Variants in GPR143 observed in about 807,000 individuals in gnomAD.
GPR143 encodes G-protein coupled receptor 143.
GPR143 carries 8 observed loss-of-function variants against 27.6 expected under a neutral mutation model. The observed-to-expected ratio is 0.29, with a 90% CI of 0.17 to 0.52. GPR143 has a LOEUF of 0.52. GPR143 is among the 20% of genes least tolerant of loss of function. The probability of loss-of-function intolerance (pLI) is 0.96; values close to 1 mark genes in which losing one functional copy is unlikely to be tolerated. For missense variants in GPR143, 303 were observed against 343.1 expected (o/e 0.88, Z 0.92); for synonymous variants, 156 against 153.2 (o/e 1.02, Z -0.13).
At chrX:9,774,895 G>A (rs185513920) in intron 1 of GPR143, among the ~76,000 whole-genome samples, 52 of 110,624 alleles carry the variant, frequency 4.7e-4, no homozygotes, top group Middle Eastern at 4.6e-3. Context: ...ACAAGGTCTC[G>A]CTCTGTTGCC....
chrX:9,742,346 G>C (rs2146686489), intron 6 of GPR143, among the ~76,000 whole-genome samples: 1 of 111,336 alleles, frequency 9.0e-6, no homozygotes, highest in African/African-American at 3.3e-5. Context: ...ATAGCTCACT[G>C]TAGCCTCGAA....
At chrX:9,764,539 CACACAG>C (rs1032796232) in intron 1 of GPR143, among the ~76,000 whole-genome samples, 2 of 83,226 alleles carry the variant, frequency 2.4e-5, no homozygotes, top group African/African-American at 9.0e-5. Flanking sequence ...CACACACACA[CACACAG>C]AGCGAGACAG....
intron 8 of GPR143, among the ~76,000 whole-genome samples, chrX:9,738,826 T>A (rs766372701): frequency 2.9e-4 from 32 of 112,215 alleles, no homozygotes; most frequent in Non-Finnish European, 5.1e-4. Context: ...TTTCACCATG[T>A]TGGTCAGGCT....
chrX:9,765,558 G>A lies in GPR143; in HGVS notation c.250+10C>T. 2 of 1,086,206 alleles carry A rather than the reference G, an allele frequency of 1.8e-6. No homozygotes were observed. Among genetic ancestry groups the A allele is most frequent in the Non-Finnish European group, 2.4e-6 (2 of 835,631 alleles). The allele number at this position is 1,086,206 out of a possible 1,213,427, so 89.5% of individuals were successfully genotyped here. ...TCAGATTCCAACCCGCGGGCCGCGC[G>A]CGCCCTTACCCAGGCAGCCGAGAAG... is the stretch of plus-strand genomic sequence containing the variant. On this transcript the variant is annotated intron_variant, in intron 1 of 8. Transcript: ENST00000467482.
intron 1 of GPR143, among the ~76,000 whole-genome samples, chrX:9,761,537 T>C (rs1339687592): frequency 8.9e-6 from 1 of 112,785 alleles, no homozygotes; most frequent in African/African-American, 3.2e-5. Flanking sequence ...CGGCTGCATT[T>C]TCAGTGGCCA....
At chrX:9,760,041 A>G (rs754730816) in intron 2 of GPR143, among the ~76,000 whole-genome samples, 3 of 112,126 alleles carry the variant, frequency 2.7e-5, no homozygotes, top group African/African-American at 9.7e-5. Flanking sequence ...GTCTGTGTAT[A>G]TATGATATCT....
chrX:9,775,626 T>C (rs757955473), intron 1 of GPR143, among the ~76,000 whole-genome samples: 1 of 111,716 alleles, frequency 9.0e-6, no homozygotes, highest in African/African-American at 3.3e-5. Context: ...ATGCCATGAG[T>C]ACTGCCACAA....
At position 9,743,609 on chromosome X, in the gene GPR143, C is replaced by T. The variant is rs145665834; in HGVS notation, c.723G>A (p.Val241=). 2.5e-6 allele frequency: 3 copies of T among 1,193,231 alleles called. No individual in the cohort carries two copies. Among genetic ancestry groups the T allele is most frequent in the Non-Finnish European group, 3.4e-6 (3 of 879,708 alleles). The change falls in exon 6 of 9, where the codon GTG becomes GTA. Residue 241 remains valine (V), a synonymous_variant. Transcript: ENST00000467482. ...TGATTTTGAAAAATCGGATCTTGAT[C>T]ACGGCTCCCATCCTCCTCTCGTTCT... ...YTENERRMGA[V]IKIRFFKIML...
upstream of GPR143, among the ~76,000 whole-genome samples, chrX:9,770,357 G>GAGAGA (rs1569127506): frequency 3.2e-5 from 3 of 93,788 alleles, no homozygotes; most frequent in Admixed American, 2.4e-4. Context: ...GAGAGAGAGA[G>GAGAGA]GAAGACCAGC....
chrX:9,745,536 T>C (rs1354157753), intron 5 of GPR143, among the ~76,000 whole-genome samples: 1 of 111,876 alleles, frequency 8.9e-6, no homozygotes, highest in Admixed American at 9.4e-5. Context: ...CTAGAAGTCT[T>C]TCCCAGACAT....
At chrX:9,759,500 A>G in intron 2 of GPR143, 74 bp from the exon 3 acceptor site, 1 of 700,420 alleles carries the variant, frequency 1.4e-6, no homozygotes. Flanking sequence ...TTGAGACGGC[A>G]GGGTAGACAC....
chrX:9,770,832 G>C (rs1025449090), upstream of GPR143, among the ~76,000 whole-genome samples: 3 of 112,229 alleles, frequency 2.7e-5, no homozygotes, highest in African/African-American at 9.7e-5. Context: ...AAGGATTTCA[G>C]CTGCTCCAGC....
At chrX:9,729,879 T>C (rs1484204550) in intron 8 of GPR143, among the ~76,000 whole-genome samples, 4 of 112,529 alleles carry the variant, frequency 3.6e-5, no homozygotes, top group Non-Finnish European at 5.6e-5. Flanking sequence ...CATACAGCCA[T>C]GCACCACATA....
At chrX:9,750,376 A>AT (rs145159358) in intron 3 of GPR143, among the ~76,000 whole-genome samples, 11,368 of 101,621 alleles carry the variant, frequency 0.11, 1,621 homozygotes, top group African/African-American at 0.37. Flanking sequence ...TGCCCAGCTA[A>AT]TTTTTTTTTT....
At chrX:9,774,962 C>T (rs2083566605) in intron 1 of GPR143, among the ~76,000 whole-genome samples, 1 of 111,095 alleles carries the variant, frequency 9.0e-6, no homozygotes, top group African/African-American at 3.3e-5. Flanking sequence ...CTCCCGGGCT[C>T]AAGCGATACT....
intron 8 of GPR143, among the ~76,000 whole-genome samples, chrX:9,734,341 G>A (rs2083369774): frequency 9.0e-6 from 1 of 111,304 alleles, no homozygotes; most frequent in Admixed American, 9.5e-5. Flanking sequence ...GAGATACACG[G>A]AATTGTGGGA....
rs146682652 is a variant in GPR143, at chrX:9,740,469, G to A, written c.886-750C>T. On this transcript the variant is annotated intron_variant, in intron 7 of 8. Transcript: ENST00000467482. ...TGCATTTCTTCTTATAAAGGTGAGA[G>A]AATGGCAGCACTGGGGCAACTTGCC... is the stretch of plus-strand genomic sequence containing the variant. Among the ~76,000 whole-genome samples, 788 of 112,958 alleles carry A rather than the reference G, an allele frequency of 7.0e-3. 3 individuals carry two copies. Among genetic ancestry groups the A allele is most frequent in the African/African-American group, 0.024 (747 of 31,173 alleles).
rs1347987850 is a variant in GPR143, at chrX:9,748,603, G to A, written c.519C>T (p.Ala173=). 3 of 1,207,204 alleles carry A rather than the reference G, an allele frequency of 2.5e-6. No homozygotes were observed. Among genetic ancestry groups the A allele is most frequent in the East Asian group, 3.0e-5 (1 of 33,805 alleles). The part of the protein sequence containing the change: ...GLATLLCVEG[A]AMLYYPSVSR... ...ACACGGAAGGGTAGTAGAGCATGGC[G>A]GCTCCCTCCACACAGAGCAGGGTGG... Residue 173 remains alanine, a synonymous_variant, in exon 4 of 9, where the codon GCC becomes GCT. Coordinates refer to ENST00000467482, the MANE Select transcript of GPR143 (RefSeq NM_000273.3).
chrX:9,770,323 A>AGAGAGAGAGAGAGAGAGAGAGAGAG (rs2083549800), upstream of GPR143, among the ~76,000 whole-genome samples: 31 of 88,989 alleles, frequency 3.5e-4, no homozygotes, highest in African/African-American at 1.4e-3. Context: ...AAGAAAGAAA[A>AGAGAGAGAGAGAGAGAGAGAGAGAG]AGAGAGAGAG....
Sources: gnomAD v4.1 joint callset for allele counts (sites outside exome capture counted in the v4.1 genomes callset) on GRCh38, gnomAD v4.1.1 for gene constraint, MANE v1.5 for transcripts, NCBI Gene and HGNC (gene_info 2026-07-23, HGNC 2026-07-21) for gene names.